Variants in ALMS1 observed in about 807,000 individuals in gnomAD.
ALMS1 encodes ALMS1 centrosome and basal body associated protein, also known as centrosome-associated protein ALMS1.
In ALMS1, 271 loss-of-function variants were observed where a neutral mutation model predicts 352.2. The ratio of observed to expected loss-of-function variants is 0.77; its 90% confidence interval spans 0.70 to 0.85. ALMS1 has a LOEUF of 0.85. ALMS1 is among the 40% of genes least tolerant of loss of function. ALMS1 has a pLI of 0.00. For missense variants in ALMS1, 5,445 were observed against 4,870.7 expected (o/e 1.12, Z -3.51); for synonymous variants, 1,865 against 1,761.2 (o/e 1.06, Z -1.48).
chr2:73,490,585 C>A lies in ALMS1; in HGVS notation c.8626C>A (p.Leu2876Ile), dbSNP rs1447116062. The change falls in exon 10 of 23, where the codon CTT becomes ATT. Residue 2876 changes from leucine (L) to isoleucine (I), a missense_variant. Physicochemically the swap from Leu to Ile is conservative, Grantham distance 5. Coordinates refer to ENST00000613296, the MANE Select transcript of ALMS1 (RefSeq NM_001378454.1). ...KEKNVTITPD[L>I]PSCIFLEQRE... ...GAAGAATGTAACTATAACTCCAGATCTTCCTTCTTGCATTTTTCTTGAACA... is the reference window on the plus strand; with the variant it reads ...GAAGAATGTAACTATAACTCCAGATATTCCTTCTTGCATTTTTCTTGAACA... 2.5e-6 allele frequency: 4 copies of A among 1,613,914 alleles called. No individual in the cohort carries two copies. The African/African-American group carries it at 5.3e-5, about 22-fold the overall frequency.
rs940478567 is a variant in ALMS1 at position 73,489,837 on chromosome 2, T to A, written c.7878T>A (p.His2626Gln). 13 of 1,614,194 alleles carry A rather than the reference T, an allele frequency of 8.1e-6. No individual in the cohort carries two copies. In the East Asian group the frequency reaches 2.7e-4, roughly 33 times the overall value. ...RQNPSSCRAK[H>Q]VNLSASLDQN... Reference sequence around the variant, plus strand: ...ACCCATCATCATGCAGAGCCAAGCATGTCAACCTTTCTGCATCCTTAGACC... The same window carrying A: ...ACCCATCATCATGCAGAGCCAAGCAAGTCAACCTTTCTGCATCCTTAGACC... Residue 2626 changes from histidine to glutamine, a missense_variant, in exon 10 of 23, where the codon CAT becomes CAA. Coordinates refer to ENST00000613296, the MANE Select transcript of ALMS1 (RefSeq NM_001378454.1).
At chr2:73,604,421 T>A (rs538705818) in intron 21 of ALMS1, among the ~76,000 whole-genome samples, 1 of 152,324 alleles carries the variant, frequency 6.6e-6, no homozygotes, top group East Asian at 1.9e-4. Flanking sequence ...ATACAATTTT[T>A]AAAAATTAAT....
intron 10 of ALMS1, among the ~76,000 whole-genome samples, chr2:73,512,731 C>T (rs1326981801): frequency 6.6e-6 from 1 of 152,148 alleles, no homozygotes; most frequent in Non-Finnish European, 1.5e-5. Flanking sequence ...GTGGCAGCCC[C>T]TTCAAGCTGG....
chr2:73,388,003 T>TA (rs149975903), intron 1 of ALMS1, among the ~76,000 whole-genome samples: 2,954 of 152,248 alleles, frequency 0.019, 111 homozygotes, highest in African/African-American at 0.065. Flanking sequence ...AATATTAAGA[T>TA]ATGGCCAGAT....
chr2:73,394,101 G>A (rs1434268622), intron 1 of ALMS1, among the ~76,000 whole-genome samples: 7 of 151,882 alleles, frequency 4.6e-5, no homozygotes, highest in African/African-American at 9.7e-5. Context: ...GATTACAGGC[G>A]TGAGCCACCA....
At chr2:73,508,039 G>GCAA (rs1673368588) in intron 10 of ALMS1, among the ~76,000 whole-genome samples, 1 of 152,076 alleles carries the variant, frequency 6.6e-6, no homozygotes, top group Non-Finnish European at 1.5e-5. Context: ...TATTTAGCCA[G>GCAA]TAGTCATTCA....
intron 2 of ALMS1, among the ~76,000 whole-genome samples, chr2:73,416,030 A>G (rs1671175660): frequency 6.6e-6 from 1 of 152,208 alleles, no homozygotes; most frequent in Admixed American, 6.5e-5. Context: ...CAGAAAGACT[A>G]ATGGATACAT....
chr2:73,415,321 T>G (rs540538442), intron 2 of ALMS1, among the ~76,000 whole-genome samples: 54 of 152,262 alleles, frequency 3.5e-4, no homozygotes, highest in Admixed American at 6.5e-4. Flanking sequence ...AATGGGAAAT[T>G]ATAAGAATAT....
At chr2:73,410,200 C>A (rs1438278041) in intron 2 of ALMS1, among the ~76,000 whole-genome samples, 1 of 152,010 alleles carries the variant, frequency 6.6e-6, no homozygotes, top group Non-Finnish European at 1.5e-5. Context: ...ACCAGCCTGG[C>A]CAACATAGTG....
intron 9 of ALMS1, among the ~76,000 whole-genome samples, chr2:73,482,713 T>C (rs1003633384): frequency 1.3e-5 from 2 of 152,152 alleles, no homozygotes; most frequent in African/African-American, 4.8e-5. Context: ...GGTCCTGGAC[T>C]CTTTTTGGTT....
At chr2:73,441,832 A>G (rs1671725483) in intron 7 of ALMS1, among the ~76,000 whole-genome samples, 1 of 151,766 alleles carries the variant, frequency 6.6e-6, no homozygotes, top group African/African-American at 2.4e-5. Flanking sequence ...GCAAATTTAT[A>G]TCATTTTGTC....
intron 12 of ALMS1, among the ~76,000 whole-genome samples, chr2:73,547,450 A>G (rs983640288): frequency 1.3e-4 from 20 of 152,120 alleles, no homozygotes; most frequent in Admixed American, 7.9e-4. Flanking sequence ...AAACTGGTCC[A>G]TTTTGGAACT....
At chr2:73,553,384 G>A (rs1053899315) in intron 13 of ALMS1, among the ~76,000 whole-genome samples, 12 of 152,156 alleles carry the variant, frequency 7.9e-5, no homozygotes, top group African/African-American at 1.7e-4. Context: ...TCACTGTGGC[G>A]GTGGTACACA....
intron 19 of ALMS1, 98 bp from the exon 20 acceptor site, chr2:73,602,087 C>G: frequency 7.7e-7 from 1 of 1,292,824 alleles, no homozygotes. Flanking sequence ...TCAGACTTCC[C>G]CAAACCTCTT....
At chr2:73,543,782 C>T (rs1299994611) in intron 12 of ALMS1, among the ~76,000 whole-genome samples, 1 of 152,108 alleles carries the variant, frequency 6.6e-6, no homozygotes, top group Non-Finnish European at 1.5e-5. Context: ...CATCACTGGC[C>T]GTCAGAGAAA....
intron 10 of ALMS1, among the ~76,000 whole-genome samples, chr2:73,512,354 A>T (rs920936204): frequency 6.6e-6 from 1 of 150,578 alleles, no homozygotes; most frequent in African/African-American, 2.4e-5. Context: ...AAGTGCTGGG[A>T]TTACAGGCGT....
chr2:73,600,975 G>A lies in ALMS1; in HGVS notation c.11872+94G>A, dbSNP rs560573607. 60 of 1,451,200 alleles carry A rather than the reference G, an allele frequency of 4.1e-5. No individual in the cohort carries two copies. In the African/African-American group the frequency reaches 8.1e-4, roughly 20 times the overall value. The allele number at this position is 1,451,200 out of a possible 1,614,324, so 89.9% of individuals were successfully genotyped here. A position where few individuals can be genotyped will look rare whatever the true frequency, so the allele number is the denominator to read the frequency against. On this transcript the variant is annotated intron_variant, in intron 18 of 22. Coordinates refer to ENST00000613296, the MANE Select transcript of ALMS1 (RefSeq NM_001378454.1). The stretch of plus-strand genomic sequence containing the variant: ...CTGTGTTTCCAAGTGACTCTATGTG[G>A]TCCCCACCTACCCCCAGCCACAACC...
chr2:73,424,981 G>A (rs1361203153), intron 5 of ALMS1, 79 bp downstream of exon 5: 18 of 1,251,068 alleles, frequency 1.4e-5, no homozygotes, highest in South Asian at 3.0e-5. Context: ...AACAATTTTA[G>A]TGTCCCCTTT....
At chr2:73,573,463 C>T (rs1327827385) in intron 16 of ALMS1, 39 bp downstream of exon 16, 3 of 1,604,064 alleles carry the variant, frequency 1.9e-6, no homozygotes, top group Non-Finnish European at 1.7e-6. Context: ...TGTGACTGCC[C>T]TCTTCATGGA....
Sources: gnomAD v4.1 joint callset for allele counts (sites outside exome capture counted in the v4.1 genomes callset) on GRCh38, gnomAD v4.1.1 for gene constraint, MANE v1.5 for transcripts, NCBI Gene and HGNC (gene_info 2026-07-23, HGNC 2026-07-21) for gene names.